The following SWI5 variants were observed in gnomAD, a reference collection of about 807,000 sequenced individuals.
SWI5 encodes the protein SWI5 homologous recombination repair protein, also known as DNA repair protein SWI5 homolog.
In SWI5, 12 loss-of-function variants were observed where a neutral mutation model predicts 17.0. The observed-to-expected ratio is 0.71, with a 90% CI of 0.45 to 1.14. The LOEUF (loss-of-function observed/expected upper bound fraction) is 1.14, where lower values mean the gene tolerates loss of function less well. Among genes scored for constraint, SWI5 ranks in the 50% most tolerant of loss-of-function variants. The pLI is 0.00. For missense variants in SWI5, 158 were observed against 162.2 expected, an observed-to-expected ratio of 0.97 and a Z score of 0.14; for synonymous variants, 61 against 64.0, an observed-to-expected ratio of 0.95 and a Z score of 0.22.
At chr9:128,284,755 A>C (rs928879500) in intron 3 of SWI5, 124 bp downstream of exon 3, 4 of 1,199,882 alleles carry the variant, frequency 3.3e-6, no homozygotes, top group Non-Finnish European at 4.5e-6. Flanking sequence ...CAGGAGTTTG[A>C]GACCAGCCTG....
At chr9:128,284,286 C>T (rs1195805312) in intron 2 of SWI5, among the ~76,000 whole-genome samples, 1 of 111,538 alleles carries the variant, frequency 9.0e-6, no homozygotes, top group Non-Finnish European at 1.7e-5. Flanking sequence ...GAGACTCCGT[C>T]TCAAAAAAAA....
At chr9:128,276,216 C>G (rs768752346), upstream of SWI5, 4 of 1,609,378 alleles carry the variant, frequency 2.5e-6, no homozygotes, top group South Asian at 4.4e-5. Flanking sequence ...TGTCCCCGCC[C>G]ACCTCGGGAG....
intron 2 of SWI5, among the ~76,000 whole-genome samples, chr9:128,283,590 G>T (rs1831581392): frequency 6.6e-6 from 1 of 152,216 alleles, no homozygotes; most frequent in African/African-American, 2.4e-5. Context: ...TCAGACTGGG[G>T]ACAAGGGCAG....
At chr9:128,284,053 T>G (rs1831588899) in intron 2 of SWI5, among the ~76,000 whole-genome samples, 1 of 151,660 alleles carries the variant, frequency 6.6e-6, no homozygotes, top group Non-Finnish European at 1.5e-5. Flanking sequence ...ATCCCAGCAC[T>G]TTGGGAGACC....
At chr9:128,287,360 A>C (rs1424710010) in intron 4 of SWI5, among the ~76,000 whole-genome samples, 1 of 149,562 alleles carries the variant, frequency 6.7e-6, no homozygotes, top group African/African-American at 2.5e-5. Context: ...CAGGAGAATC[A>C]CTTGAACCCA....
intron 2 of SWI5, 86 bp downstream of exon 2, chr9:128,276,841 C>A (rs1275448766): frequency 1.4e-6 from 2 of 1,386,480 alleles, no homozygotes; most frequent in East Asian, 4.7e-5. Context: ...CCAACAGCAG[C>A]CAATCCCCGC....
At chr9:128,283,429 G>A (rs545182743) in intron 2 of SWI5, among the ~76,000 whole-genome samples, 7 of 152,234 alleles carry the variant, frequency 4.6e-5, no homozygotes, top group South Asian at 4.1e-4. Flanking sequence ...CCCGGGAGGC[G>A]GAGGTTGCAG....
chr9:128,283,104 C>T (rs552056434), intron 2 of SWI5, among the ~76,000 whole-genome samples: 1 of 151,964 alleles, frequency 6.6e-6, no homozygotes, highest in East Asian at 1.9e-4. Context: ...CACCTGAGGT[C>T]AGGAGTTCGA....
Position 128,285,865 on chromosome 9 carries a change from C to A in SWI5, c.234-74C>A. On this transcript the variant is annotated intron_variant, in intron 3 of 4. Coordinates refer to ENST00000418976, the Ensembl canonical transcript of SWI5. The surrounding 1 kb of genome is among the most constrained non-coding windows in gnomAD (Gnocchi z 4.8). ...GTAGGCCATTACAGATGCCTTATTA[C>A]TATCTGAGCCTGGGGCCATCATCTG... is the stretch of plus-strand genomic sequence containing the variant. 1 of 1,010,232 alleles carries A rather than the reference C, an allele frequency of 9.9e-7. No individual in the cohort carries two copies. The highest frequency in any genetic ancestry group is 1.6e-6 in the Non-Finnish European group (1 of 638,834). 62.6% of individuals were successfully genotyped at this position (1,010,232 alleles called of 1,614,324 possible). A position where few individuals can be genotyped will look rare whatever the true frequency, so the allele number is the denominator to read the frequency against.
intron 2 of SWI5, among the ~76,000 whole-genome samples, chr9:128,280,413 A>G (rs1360346218): frequency 6.6e-6 from 1 of 150,846 alleles, no homozygotes. Flanking sequence ...AACTCCTCCA[A>G]CTGCCCTTGC....
At chr9:128,278,344 G>A (rs1831472555) in intron 2 of SWI5, among the ~76,000 whole-genome samples, 1 of 152,064 alleles carries the variant, frequency 6.6e-6, no homozygotes, top group African/African-American at 2.4e-5. Flanking sequence ...TAAGGTGAGT[G>A]GATCACCTGA....
intron 4 of SWI5, among the ~76,000 whole-genome samples, chr9:128,287,015 T>C (rs951819387): frequency 2.6e-5 from 4 of 151,696 alleles, no homozygotes; most frequent in Admixed American, 2.0e-4. Context: ...TGGTGGCACA[T>C]GTGTAATCCC....
upstream of SWI5, chr9:128,275,968 G>A (rs765183160): frequency 6.9e-6 from 11 of 1,596,904 alleles, no homozygotes; most frequent in Admixed American, 1.8e-5. Context: ...GGCGGGGTTG[G>A]GGCCACATCA....
chr9:128,276,017 C>G, upstream of SWI5: 1 of 1,593,474 alleles, frequency 6.3e-7, no homozygotes, highest in Non-Finnish European at 8.6e-7. Context: ...CAGTCAGCCA[C>G]CGCGCAGCTG....
At chr9:128,278,812 G>T in intron 2 of SWI5, 1 of 384,162 alleles carries the variant, frequency 2.6e-6, no homozygotes. Flanking sequence ...TTGCTCTGTC[G>T]CCCAGGCTGG....
chr9:128,284,581 G>A (rs370419819), exon 3 of SWI5: 2 of 1,614,008 alleles, frequency 1.2e-6, no homozygotes, highest in Non-Finnish European at 1.7e-6. Flanking sequence ...TTCAGAAACT[G>A]AAGGAGAAGA....
At chr9:128,281,523 G>A (rs896397871) in intron 2 of SWI5, among the ~76,000 whole-genome samples, 1 of 152,240 alleles carries the variant, frequency 6.6e-6, no homozygotes, top group East Asian at 1.9e-4. Flanking sequence ...CAGTTGCCCT[G>A]TTAGACTCTC....
At chr9:128,284,482 C>G in intron 2 of SWI5, 28 bp from the exon 3 acceptor site, 1 of 1,608,920 alleles carries the variant, frequency 6.2e-7, no homozygotes, top group East Asian at 2.2e-5. Context: ...ACTGGTCAGT[C>G]TGGCTGATGA....
At chr9:128,275,506 G>C (rs1831269746), upstream of SWI5, 1 of 1,305,656 alleles carries the variant, frequency 7.7e-7, no homozygotes, top group East Asian at 3.1e-5. Flanking sequence ...GGTGAGGGTC[G>C]AGTCTGGAGC....
Sources: gnomAD v4.1 joint callset for allele counts (sites outside exome capture counted in the v4.1 genomes callset) on GRCh38, gnomAD v4.1.1 for gene constraint, Gnocchi (gnomAD v3.1) non-coding constraint, MANE v1.5 for transcripts, NCBI Gene and HGNC (gene_info 2026-07-23, HGNC 2026-07-21) for gene names.